LRMDA: variants seen among roughly 807,000 people sequenced by gnomAD.
LRMDA encodes the protein leucine-rich melanocyte differentiation-associated protein.
Under a neutral mutation model 29.8 loss-of-function variants are expected in LRMDA, and 18 were observed. The ratio of observed to expected loss-of-function variants is 0.60; its 90% CI spans 0.42 to 0.90. The LOEUF (loss-of-function observed/expected upper bound fraction) is 0.90. LRMDA is among the 40% of genes least tolerant of loss of function. The pLI, the probability that LRMDA is intolerant of heterozygous loss-of-function variation, is 0.00. For synonymous variants in LRMDA, 125 were observed against 109.4 expected, an observed-to-expected ratio of 1.14 and a Z score of -0.89; for missense variants, 273 against 273.9, an observed-to-expected ratio of 1.00 and a Z score of 0.02.
chr10:75,919,553 A>G (rs2132387380), intron 2 of LRMDA, among the ~76,000 whole-genome samples: 1 of 152,204 alleles, frequency 6.6e-6, no homozygotes, highest in Non-Finnish European at 1.5e-5. Context: ...GTGTTCTAAG[A>G]TGTAGAGATA....
intron 5 of LRMDA, among the ~76,000 whole-genome samples, chr10:76,228,889 A>G (rs932409016): frequency 6.6e-6 from 1 of 152,246 alleles, no homozygotes; most frequent in Admixed American, 6.5e-5. Context: ...AAGGCCTATT[A>G]TTTAAACTAT....
chr10:75,473,306 C>T (rs549993009), intron 2 of LRMDA, among the ~76,000 whole-genome samples: 24 of 152,260 alleles, frequency 1.6e-4, no homozygotes, highest in South Asian at 1.0e-3. Context: ...GATGAAAGCT[C>T]CAGAGGTGGT....
intron 2 of LRMDA, among the ~76,000 whole-genome samples, chr10:75,477,507 TC>T (rs890245682): frequency 2.0e-5 from 3 of 152,212 alleles, no homozygotes; most frequent in Non-Finnish European, 4.4e-5. Flanking sequence ...ACCTACATGT[TC>T]AAGGCTCACT....
intron 2 of LRMDA, among the ~76,000 whole-genome samples, chr10:75,663,443 T>C (rs1841780289): frequency 6.6e-6 from 1 of 152,226 alleles, no homozygotes; most frequent in Admixed American, 6.5e-5. Context: ...TCCCAAGTCA[T>C]TCTAATGTTC....
intron 5 of LRMDA, among the ~76,000 whole-genome samples, chr10:76,151,852 A>G (rs1850451156): frequency 1.3e-5 from 2 of 152,086 alleles, no homozygotes; most frequent in South Asian, 4.1e-4. Context: ...TTCCTTTCCA[A>G]TCCTTATAGT....
intron 2 of LRMDA, among the ~76,000 whole-genome samples, chr10:75,476,918 T>A (rs544832488): frequency 2.6e-4 from 39 of 152,140 alleles, no homozygotes; most frequent in Non-Finnish European, 4.6e-4. Flanking sequence ...GTGTTCTCAC[T>A]GTGTCTCTAT....
At chr10:76,120,864 G>A (rs187830879) in intron 5 of LRMDA, among the ~76,000 whole-genome samples, 2 of 148,026 alleles carry the variant, frequency 1.4e-5, no homozygotes, top group East Asian at 2.0e-4. Context: ...ACGGAGTCTC[G>A]CTGTGTCATC....
chr10:75,431,739 G>A lies in LRMDA; in HGVS notation c.15G>A (p.Val5=). Residue 5 remains valine (V), a synonymous_variant, in exon 1 of 7, where the codon GTG becomes GTA. Transcript: ENST00000611255. MAGL[V]VRGTQVSYIG... The stretch of plus-strand genomic sequence containing the variant: ...TCCTGGCCGCCATGGCCGGGCTCGT[G>A]GTGCGTGGAACTCAAGTAAGTCCCG... 7.3e-7 allele frequency: 1 copy of A among 1,372,462 alleles called. No individual in the cohort carries two copies. The highest frequency in any genetic ancestry group is 9.5e-7 in the Non-Finnish European group (1 of 1,057,938). 85.0% of individuals were successfully genotyped at this position (1,372,462 alleles called of 1,614,324 possible).
intron 5 of LRMDA, among the ~76,000 whole-genome samples, chr10:76,146,795 A>T (rs934101567): frequency 6.6e-6 from 1 of 152,084 alleles, no homozygotes. Context: ...AGTCTTTACA[A>T]TTTGGCATGT....
chr10:75,829,141 C>G (rs1844295446), intron 2 of LRMDA, among the ~76,000 whole-genome samples: 1 of 152,178 alleles, frequency 6.6e-6, no homozygotes, highest in African/African-American at 2.4e-5. Flanking sequence ...CTGAATGGCT[C>G]TAGATGGTGT....
chr10:76,348,426 A>G (rs979853423), intron 6 of LRMDA, among the ~76,000 whole-genome samples: 1 of 152,254 alleles, frequency 6.6e-6, no homozygotes, highest in Admixed American at 6.5e-5. Context: ...AAAAGTGCTT[A>G]AGCACGTATT....
intron 6 of LRMDA, among the ~76,000 whole-genome samples, chr10:76,416,676 C>T (rs900046851): frequency 6.6e-6 from 1 of 152,206 alleles, no homozygotes; most frequent in African/African-American, 2.4e-5. Context: ...TTAACAGGCT[C>T]ATGTGTCAGA....
intron 2 of LRMDA, among the ~76,000 whole-genome samples, chr10:76,024,946 C>T (rs1448023969): frequency 1.3e-5 from 2 of 152,220 alleles, no homozygotes; most frequent in Non-Finnish European, 2.9e-5. Flanking sequence ...CTGCATTCCG[C>T]CCCATGGCGA....
chr10:75,699,208 A>T (rs1465629947), intron 2 of LRMDA, among the ~76,000 whole-genome samples: 1 of 152,052 alleles, frequency 6.6e-6, no homozygotes, highest in African/African-American at 2.4e-5. Flanking sequence ...CTCAAAAAAA[A>T]AAAAAAAAAT....
intron 2 of LRMDA, among the ~76,000 whole-genome samples, chr10:75,453,236 G>A (rs890876846): frequency 2.6e-5 from 4 of 152,210 alleles, no homozygotes; most frequent in Admixed American, 1.3e-4. Context: ...GAGCTCTGGC[G>A]GTTGACCTTT....
chr10:75,627,365 T>A (rs1227819716), intron 2 of LRMDA, among the ~76,000 whole-genome samples: 1 of 152,158 alleles, frequency 6.6e-6, no homozygotes, highest in Non-Finnish European at 1.5e-5. Flanking sequence ...CCTATAACAG[T>A]TTTCCTGTGT....
intron 2 of LRMDA, among the ~76,000 whole-genome samples, chr10:75,901,048 A>G (rs1845662284): frequency 6.6e-6 from 1 of 152,206 alleles, no homozygotes; most frequent in Non-Finnish European, 1.5e-5. Flanking sequence ...TCAACAACAG[A>G]CAATTCAAGA....
At chr10:75,495,394 A>G (rs766435340) in intron 2 of LRMDA, among the ~76,000 whole-genome samples, 2 of 150,274 alleles carry the variant, frequency 1.3e-5, no homozygotes, top group Non-Finnish European at 1.5e-5. Context: ...GCTTTTATCG[A>G]TATTAAGATG....
chr10:75,844,276 C>A (rs1418744026), intron 2 of LRMDA, among the ~76,000 whole-genome samples: 1 of 152,300 alleles, frequency 6.6e-6, no homozygotes, highest in South Asian at 2.1e-4. Context: ...TTTCTTCCCC[C>A]TTTCTCTTTT....
Sources: gnomAD v4.1 joint callset for allele counts (sites outside exome capture counted in the v4.1 genomes callset) on GRCh38, gnomAD v4.1.1 for gene constraint, MANE v1.5 for transcripts, NCBI Gene and HGNC (gene_info 2026-07-23, HGNC 2026-07-21) for gene names.